HMCN1: variants seen among roughly 807,000 people sequenced by gnomAD.
HMCN1 encodes the protein hemicentin 1, also known as hemicentin-1.
Under a neutral mutation model 625.9 loss-of-function variants are expected in HMCN1, and 321 were observed. The ratio of observed to expected loss-of-function variants is 0.51; its 90% CI spans 0.47 to 0.56. HMCN1 has a LOEUF of 0.56. HMCN1 is among the 20% of genes least tolerant of loss of function. The probability of loss-of-function intolerance (pLI) is 0.00; values close to 1 mark genes in which losing one functional copy is unlikely to be tolerated. For missense variants in HMCN1, 6,588 were observed against 6,887.3 expected (o/e 0.96, Z 1.54); for synonymous variants, 2,425 against 2,417.6 (o/e 1.00, Z -0.09).
chr1:185,873,228 C>T (rs965029697), intron 4 of HMCN1, among the ~76,000 whole-genome samples: 1 of 152,070 alleles, frequency 6.6e-6, no homozygotes, highest in Non-Finnish European at 1.5e-5. Context: ...ACCTGCATTG[C>T]TAATTCTGGG....
At chr1:185,851,174 T>C (rs1202743853) in intron 2 of HMCN1, among the ~76,000 whole-genome samples, 2 of 152,166 alleles carry the variant, frequency 1.3e-5, no homozygotes, top group Non-Finnish European at 2.9e-5. Flanking sequence ...CCTTCTCCAG[T>C]TCCCTTTCTG....
At chr1:186,027,443 A>G (rs748705771) in intron 36 of HMCN1, among the ~76,000 whole-genome samples, 8 of 152,214 alleles carry the variant, frequency 5.3e-5, no homozygotes, top group Non-Finnish European at 1.2e-4. Context: ...CAGGAAAAAA[A>G]TTAACCAAGG....
chr1:185,878,794 A>G (rs995325649), intron 4 of HMCN1, among the ~76,000 whole-genome samples: 2 of 152,198 alleles, frequency 1.3e-5, no homozygotes, highest in Non-Finnish European at 2.9e-5. Context: ...TTATTAACTG[A>G]ATGTTTTGAA....
At chr1:185,768,898 C>G (rs1024224182) in intron 1 of HMCN1, among the ~76,000 whole-genome samples, 1 of 152,162 alleles carries the variant, frequency 6.6e-6, no homozygotes, top group Non-Finnish European at 1.5e-5. Flanking sequence ...TATTTAACCT[C>G]ATTAAGCCTA....
chr1:185,798,188 A>G (rs1307758963), intron 1 of HMCN1, among the ~76,000 whole-genome samples: 1 of 152,096 alleles, frequency 6.6e-6, no homozygotes, highest in East Asian at 1.9e-4. Context: ...TGCAACATTC[A>G]TGGTGGACAG....
intron 43 of HMCN1, 83 bp downstream of exon 43, chr1:186,053,157 T>G: frequency 7.4e-7 from 1 of 1,349,572 alleles, no homozygotes; most frequent in East Asian, 2.5e-5. Flanking sequence ...TGTTAGATTA[T>G]AAACAAATTT....
At chr1:185,753,698 A>G (rs1283806749) in intron 1 of HMCN1, among the ~76,000 whole-genome samples, 1 of 152,086 alleles carries the variant, frequency 6.6e-6, no homozygotes, top group Non-Finnish European at 1.5e-5. Context: ...TTCTTATTTA[A>G]GAGTATGGTT....
At chr1:186,174,093 G>A (rs1191310863) in intron 102 of HMCN1, among the ~76,000 whole-genome samples, 1 of 152,198 alleles carries the variant, frequency 6.6e-6, no homozygotes, top group Non-Finnish European at 1.5e-5. Flanking sequence ...CATTGAGGGT[G>A]TGCTGGGTTT....
chr1:185,808,481 T>C (rs73070601), intron 1 of HMCN1, among the ~76,000 whole-genome samples: 7,555 of 152,308 alleles, frequency 0.05, 610 homozygotes, highest in African/African-American at 0.17. Context: ...ATCATGCTAC[T>C]GCACTGCAGC....
intron 84 of HMCN1, 111 bp downstream of exon 84, chr1:186,130,211 C>T: frequency 2.8e-6 from 4 of 1,404,164 alleles, no homozygotes; most frequent in Non-Finnish European, 4.0e-6. Context: ...TTAATCCACT[C>T]AGTCCTATTT....
intron 24 of HMCN1, among the ~76,000 whole-genome samples, chr1:185,995,556 A>G (rs189529951): frequency 1.4e-3 from 218 of 152,296 alleles, no homozygotes; most frequent in African/African-American, 5.1e-3. Context: ...CTTGCCAGGC[A>G]TCTGTCATGT....
Position 186,077,364 on chromosome 1 carries a change from C to T in HMCN1, c.8485+742C>T, listed in dbSNP as rs770601804. Among the ~76,000 whole-genome samples, 146 of 152,040 alleles carry T rather than the reference C, an allele frequency of 9.6e-4. 1 individual carries two copies. Among genetic ancestry groups the T allele is most frequent in the Non-Finnish European group, 1.6e-3 (108 of 67,956 alleles). On this transcript the variant is annotated intron_variant, in intron 54 of 106. Transcript: ENST00000271588. ...AATAATGAAATTTGATTATGGACTG[C>T]GGATTCAATAGTAGTTTTGTTTTGA...
In HMCN1 at chr1:186,034,130, G is replaced by A. The variant is rs533039173; in HGVS notation, c.5750-3804G>A. On this transcript the variant is annotated intron_variant, in intron 36 of 106. Transcript: ENST00000271588. ...TGTGGGAAAGGGAAGCAGCATATCA[G>A]AGTGATATAATGTGAGAAGAATGTT... Among the ~76,000 whole-genome samples, 11 of 152,292 alleles carry A rather than the reference G, an allele frequency of 7.2e-5. No individual in the cohort carries two copies. The South Asian group carries it at 1.0e-3, about 14-fold the overall frequency.
chr1:186,013,084 A>G (rs1654106127), intron 30 of HMCN1, among the ~76,000 whole-genome samples: 1 of 152,116 alleles, frequency 6.6e-6, no homozygotes, highest in Non-Finnish European at 1.5e-5. Context: ...ATGCCACCAA[A>G]ATTTACAGTA....
At chr1:185,801,000 G>C (rs1658756772) in intron 1 of HMCN1, among the ~76,000 whole-genome samples, 1 of 152,132 alleles carries the variant, frequency 6.6e-6, no homozygotes, top group Non-Finnish European at 1.5e-5. Flanking sequence ...CAAAGCAAAA[G>C]ATGAGATGTT....
intron 4 of HMCN1, among the ~76,000 whole-genome samples, chr1:185,904,659 T>TA (rs1483902640): frequency 6.6e-6 from 1 of 151,884 alleles, no homozygotes; most frequent in African/African-American, 2.4e-5. Flanking sequence ...GCCTTCTTAT[T>TA]AGCTGTATAT....
At position 186,000,191 on chromosome 1, in the gene HMCN1, G is replaced by C; in HGVS notation, c.4021G>C (p.Val1341Leu). 1.2e-6 allele frequency: 2 copies of C among 1,613,184 alleles called. No homozygotes were observed. Among genetic ancestry groups the C allele is most frequent in the African/African-American group, 2.7e-5 (2 of 74,986 alleles). The change falls in exon 26 of 107, where the codon GTC becomes CTC. Residue 1341 changes from valine (V) to leucine (L), a missense_variant. By Grantham distance (32) the Val-to-Leu change is conservative. Transcript: ENST00000271588. ...YDNGEYICVA[V>L]NEAGTTERKY... ...CAATGGGGAGTACATCTGTGTGGCA[G>C]TCAATGAAGCTGGAACCACAGAAAG...
intron 11 of HMCN1, among the ~76,000 whole-genome samples, chr1:185,945,230 T>A (rs575018223): frequency 1.4e-4 from 22 of 152,362 alleles, no homozygotes; most frequent in African/African-American, 5.0e-4. Flanking sequence ...ATAAGGATTA[T>A]GACAATGAGA....
At chr1:186,049,319 A>T (rs1303002823) in intron 42 of HMCN1, among the ~76,000 whole-genome samples, 2 of 152,088 alleles carry the variant, frequency 1.3e-5, no homozygotes, top group Non-Finnish European at 2.9e-5. Flanking sequence ...TAATTAAGGT[A>T]ATTCTCATAC....
Sources: gnomAD v4.1 joint callset for allele counts (sites outside exome capture counted in the v4.1 genomes callset) on GRCh38, gnomAD v4.1.1 for gene constraint, MANE v1.5 for transcripts, NCBI Gene and HGNC (gene_info 2026-07-23, HGNC 2026-07-21) for gene names.